The following TSHZ2 variants were observed in gnomAD, a reference collection of about 807,000 sequenced individuals.
The protein encoded by TSHZ2 is teashirt homolog 2.
A neutral mutation model predicts 74.4 loss-of-function variants in TSHZ2; 21 were observed. The ratio of observed to expected loss-of-function variants is 0.28; its 90% CI spans 0.20 to 0.41. The LOEUF is 0.41. Ranked by LOEUF, TSHZ2 falls within the 10% of genes least tolerant of loss-of-function variation. The probability of loss-of-function intolerance (pLI) is 1.00; values close to 1 mark genes in which losing one functional copy is unlikely to be tolerated. For synonymous variants in TSHZ2, 540 were observed against 515.3 expected (o/e 1.05, Z -0.65); for missense variants, 1,244 against 1,293.5 (o/e 0.96, Z 0.59).
Position 53,493,476 on chromosome 20 carries a change from T to G in TSHZ2, c.*6341T>G, listed in dbSNP as rs1237340667. 1 of 152,362 alleles carries G rather than the reference T, an allele frequency of 6.6e-6. No individual in the cohort carries two copies. Among genetic ancestry groups the G allele is most frequent in the East Asian group, 1.9e-4 (1 of 5,192 alleles). 9.4% of individuals were successfully genotyped at this position (152,362 alleles called of 1,614,324 possible). On this transcript the variant is annotated 3_prime_UTR_variant, in exon 3 of 3. Coordinates refer to ENST00000371497, the MANE Select transcript of TSHZ2 (RefSeq NM_173485.6). ...TTTATCTAATAGTGCCTGAAAATTT[T>G]TTTAATGTCTTCTTAGAAGAAGAAT...
chr20:53,373,848 C>A (rs966566860), intron 2 of TSHZ2, among the ~76,000 whole-genome samples: 1 of 152,144 alleles, frequency 6.6e-6, no homozygotes, highest in Non-Finnish European at 1.5e-5. Flanking sequence ...CACTGATTAC[C>A]ATTACAGTAA....
intron 1 of TSHZ2, among the ~76,000 whole-genome samples, chr20:53,250,247 T>A (rs1459150768): frequency 3.3e-5 from 5 of 152,242 alleles, no homozygotes; most frequent in Non-Finnish European, 7.3e-5. Context: ...TGTGATAGTT[T>A]TCTTTCATTA....
At position 53,493,323 on chromosome 20, in the gene TSHZ2, T is replaced by A. The variant is rs1986496097; in HGVS notation, c.*6188T>A. ...TAAGAACCAAGTTTGTCTGTCTGCA[T>A]GAGTCCCGTCCAATTGCTGGATCTA... On this transcript the variant is annotated 3_prime_UTR_variant, in exon 3 of 3. Transcript: ENST00000371497. The A allele has an allele frequency of 6.6e-6, 1 of 152,242 alleles. No individual in the cohort carries two copies. The highest frequency in any genetic ancestry group is 2.4e-5 in the African/African-American group (1 of 41,468). 9.4% of individuals were successfully genotyped at this position (152,242 alleles called of 1,614,324 possible).
rs1568713577 is a variant in TSHZ2, at chr20:53,001,234, G to GTGTGTGTGTGTGTGTGTA, written c.40+27918_40+27919insATGTGTGTGTGTGTGTGT. Among the ~76,000 whole-genome samples, 126 of 137,720 alleles carry GTGTGTGTGTGTGTGTGTA rather than the reference G, an allele frequency of 9.1e-4. No homozygotes were observed. In the East Asian group the frequency reaches 0.013, roughly 14 times the overall value. 90.3% of individuals were successfully genotyped at this position (137,720 alleles called of 152,430 possible). A position where few individuals can be genotyped will look rare whatever the true frequency, so the allele number is the denominator to read the frequency against. On this transcript the variant is annotated intron_variant, in intron 1 of 2. Transcript: ENST00000371497. ...TGTGTGTGTGTGTGTGTGTGTGTGT[G>GTGTGTGTGTGTGTGTGTA]TGTGTGTGTGTGTGTGTGTGTTTGG...
At chr20:53,451,522 T>C (rs1984783516) in intron 2 of TSHZ2, among the ~76,000 whole-genome samples, 1 of 152,206 alleles carries the variant, frequency 6.6e-6, no homozygotes, top group African/African-American at 2.4e-5. Context: ...ACCAGATATT[T>C]TGGGACTTCT....
At chr20:53,278,798 C>T (rs1990995065) in intron 2 of TSHZ2, among the ~76,000 whole-genome samples, 1 of 152,154 alleles carries the variant, frequency 6.6e-6, no homozygotes, top group African/African-American at 2.4e-5. Flanking sequence ...ATATTTTCAG[C>T]ATTGTGGGCC....
intron 1 of TSHZ2, among the ~76,000 whole-genome samples, chr20:53,176,772 C>T (rs1453559391): frequency 2.6e-5 from 4 of 151,556 alleles, no homozygotes; most frequent in East Asian, 3.9e-4. Context: ...CTGCAACCTC[C>T]GCCCCCTGAG....
chr20:53,410,881 G>T (rs112494802), intron 2 of TSHZ2, among the ~76,000 whole-genome samples: 1 of 151,966 alleles, frequency 6.6e-6, no homozygotes, highest in Non-Finnish European at 1.5e-5. Flanking sequence ...CACCATTTTG[G>T]CCAGGCTGGT....
At chr20:53,207,980 A>G (rs1989213337) in intron 1 of TSHZ2, among the ~76,000 whole-genome samples, 1 of 150,638 alleles carries the variant, frequency 6.6e-6, no homozygotes, top group African/African-American at 2.4e-5. Context: ...GATGACAGGC[A>G]GGAGCCACCA....
chr20:53,441,551 G>C (rs368905984), intron 2 of TSHZ2, among the ~76,000 whole-genome samples: 1 of 151,478 alleles, frequency 6.6e-6, no homozygotes, highest in East Asian at 2.0e-4. Flanking sequence ...CTCCCAAAGT[G>C]CTGGTATTAC....
intron 2 of TSHZ2, among the ~76,000 whole-genome samples, chr20:53,284,778 G>A (rs1188286029): frequency 6.8e-6 from 1 of 147,456 alleles, no homozygotes; most frequent in East Asian, 2.1e-4. Context: ...GAGAAATAGA[G>A]AGAGGAAGAG....
chr20:53,099,287 T>C (rs1986146896), intron 1 of TSHZ2, among the ~76,000 whole-genome samples: 1 of 152,160 alleles, frequency 6.6e-6, no homozygotes, highest in Non-Finnish European at 1.5e-5. Flanking sequence ...AATTTAATAG[T>C]AAAAGTCATA....
intron 2 of TSHZ2, among the ~76,000 whole-genome samples, chr20:53,360,336 C>G (rs1343509149): frequency 6.6e-6 from 1 of 152,166 alleles, no homozygotes; most frequent in Admixed American, 6.5e-5. Flanking sequence ...TTACACAGTA[C>G]TAGAATTGGT....
At chr20:53,223,912 C>T (rs1460527697) in intron 1 of TSHZ2, among the ~76,000 whole-genome samples, 1 of 134,350 alleles carries the variant, frequency 7.4e-6, no homozygotes, top group African/African-American at 2.6e-5. Flanking sequence ...CACACACACA[C>T]ACACACACAC....
At chr20:53,049,817 C>G (rs1329716713) in intron 1 of TSHZ2, among the ~76,000 whole-genome samples, 1 of 152,026 alleles carries the variant, frequency 6.6e-6, no homozygotes, top group Non-Finnish European at 1.5e-5. Flanking sequence ...GGCAGTGGCT[C>G]ACGCCTGTAA....
intron 2 of TSHZ2, among the ~76,000 whole-genome samples, chr20:53,433,973 A>C (rs990824405): frequency 2.0e-4 from 30 of 152,126 alleles, no homozygotes; most frequent in African/African-American, 7.0e-4. Flanking sequence ...AGTTCAAGCA[A>C]TTCTCCTGCC....
At chr20:53,101,030 G>T (rs1221809290) in intron 1 of TSHZ2, among the ~76,000 whole-genome samples, 1 of 152,182 alleles carries the variant, frequency 6.6e-6, no homozygotes, top group African/African-American at 2.4e-5. Flanking sequence ...GTAGTCATTA[G>T]TACCTTTTAC....
At chr20:53,135,730 G>A (rs1016257383) in intron 1 of TSHZ2, among the ~76,000 whole-genome samples, 4 of 151,878 alleles carry the variant, frequency 2.6e-5, no homozygotes, top group Admixed American at 6.6e-5. Flanking sequence ...CTCCAGAAGT[G>A]AGGCTGGAAC....
intron 1 of TSHZ2, among the ~76,000 whole-genome samples, chr20:53,030,911 C>T (rs774506850): frequency 7.2e-5 from 11 of 152,174 alleles, no homozygotes; most frequent in Non-Finnish European, 8.8e-5. Flanking sequence ...TAAAGAAACA[C>T]GTAAAAATTT....
Sources: allele counts gnomAD v4.1 joint callset (sites outside exome capture counted in the v4.1 genomes callset), GRCh38; gene constraint gnomAD v4.1.1; transcripts MANE v1.5; gene names NCBI Gene and HGNC (gene_info 2026-07-23, HGNC 2026-07-21).